Variants in EPHA6 observed in about 807,000 individuals in gnomAD.
EPHA6 encodes ephrin type-A receptor 6.
Under a neutral mutation model 112.0 loss-of-function variants are expected in EPHA6, and 50 were observed. The ratio of observed to expected loss-of-function variants is 0.45; its 90% CI spans 0.36 to 0.56. EPHA6 has a LOEUF of 0.56. EPHA6 is among the 20% of genes least tolerant of loss of function. The pLI is 0.00. For missense variants in EPHA6, 1,280 were observed against 1,417.4 expected (o/e 0.90, Z 1.56); for synonymous variants, 529 against 490.7 (o/e 1.08, Z -1.03).
At chr3:97,241,426 G>A (rs1417800097) in intron 4 of EPHA6, among the ~76,000 whole-genome samples, 1 of 151,714 alleles carries the variant, frequency 6.6e-6, no homozygotes, top group Non-Finnish European at 1.5e-5. Flanking sequence ...TTTCAATACA[G>A]ATGTCTCCAA....
At chr3:97,148,104 C>T (rs538431042) in intron 3 of EPHA6, among the ~76,000 whole-genome samples, 6 of 152,040 alleles carry the variant, frequency 3.9e-5, no homozygotes, top group African/African-American at 1.4e-4. Flanking sequence ...GTTAACACAG[C>T]ATAATATACA....
At chr3:97,598,715 G>A (rs940495800) in intron 12 of EPHA6, among the ~76,000 whole-genome samples, 22 of 151,052 alleles carry the variant, frequency 1.5e-4, no homozygotes, top group East Asian at 9.8e-4. Context: ...GAATAATGCC[G>A]CAATAAACAT....
chr3:97,334,035 A>AT (rs1321336487), intron 5 of EPHA6, among the ~76,000 whole-genome samples: 1 of 151,636 alleles, frequency 6.6e-6, no homozygotes, highest in Non-Finnish European at 1.5e-5. Flanking sequence ...TTTGTCAAAT[A>AT]TTTTTTCTGT....
chr3:97,360,045 T>A (rs1019380007), intron 5 of EPHA6, among the ~76,000 whole-genome samples: 11 of 152,198 alleles, frequency 7.2e-5, no homozygotes, highest in African/African-American at 2.7e-4. Context: ...GGTGTCTTTA[T>A]CTGTACCTCT....
At chr3:96,875,726 T>G (rs1576208066) in intron 2 of EPHA6, among the ~76,000 whole-genome samples, 1 of 152,058 alleles carries the variant, frequency 6.6e-6, no homozygotes, top group East Asian at 1.9e-4. Flanking sequence ...TGTAGATGTA[T>G]AATACACATT....
chr3:97,453,275 T>C (rs147800241), intron 7 of EPHA6, among the ~76,000 whole-genome samples: 322 of 151,730 alleles, frequency 2.1e-3, no homozygotes, highest in Non-Finnish European at 3.3e-3. Flanking sequence ...TGAAAGAAAA[T>C]TGGAATTTTA....
chr3:97,379,094 T>C (rs1186458567), intron 5 of EPHA6, among the ~76,000 whole-genome samples: 1 of 152,040 alleles, frequency 6.6e-6, no homozygotes, highest in Non-Finnish European at 1.5e-5. Context: ...AGGGACCAAG[T>C]GGGAGATAAT....
intron 3 of EPHA6, among the ~76,000 whole-genome samples, chr3:97,024,570 G>A (rs2044570685): frequency 6.6e-6 from 1 of 152,106 alleles, no homozygotes; most frequent in Non-Finnish European, 1.5e-5. Flanking sequence ...TTTATTCTTT[G>A]AGAAGCTAAA....
intron 3 of EPHA6, among the ~76,000 whole-genome samples, chr3:97,191,645 A>G (rs1432603833): frequency 6.6e-6 from 1 of 152,126 alleles, no homozygotes; most frequent in Non-Finnish European, 1.5e-5. Context: ...TGCAAGTGAC[A>G]GAATCTCATT....
intron 14 of EPHA6, among the ~76,000 whole-genome samples, chr3:97,711,544 A>C (rs1426579676): frequency 6.6e-6 from 1 of 152,106 alleles, no homozygotes; most frequent in African/African-American, 2.4e-5. Flanking sequence ...AAAGGCTAAG[A>C]AAAGGGCAGG....
intron 5 of EPHA6, among the ~76,000 whole-genome samples, chr3:97,305,954 A>G (rs1033935426): frequency 6.6e-6 from 1 of 151,972 alleles, no homozygotes; most frequent in Non-Finnish European, 1.5e-5. Context: ...TAAATTGTAC[A>G]TAAGCCAACA....
chr3:97,065,386 A>G (rs749655836), intron 3 of EPHA6, among the ~76,000 whole-genome samples: 10 of 152,152 alleles, frequency 6.6e-5, no homozygotes, highest in Non-Finnish European at 1.3e-4. Context: ...TCTTCAGAAT[A>G]CATGATTTTT....
chr3:97,023,197 A>C (rs901806758), intron 3 of EPHA6, among the ~76,000 whole-genome samples: 2 of 151,808 alleles, frequency 1.3e-5, no homozygotes, highest in African/African-American at 2.4e-5. Flanking sequence ...TCCTGCCTCA[A>C]CCTCCTGGGT....
intron 3 of EPHA6, among the ~76,000 whole-genome samples, chr3:97,190,826 C>A (rs1346654391): frequency 6.6e-6 from 1 of 151,750 alleles, no homozygotes; most frequent in Non-Finnish European, 1.5e-5. Flanking sequence ...ATGTAACTAA[C>A]CTGCACAATG....
chr3:97,033,704 G>C (rs928309105), intron 3 of EPHA6, among the ~76,000 whole-genome samples: 7 of 151,986 alleles, frequency 4.6e-5, no homozygotes, highest in Admixed American at 3.9e-4. Context: ...TTCCAAAAGT[G>C]AGAGACAAAT....
intron 11 of EPHA6, among the ~76,000 whole-genome samples, chr3:97,574,040 T>C (rs553597195): frequency 8.5e-5 from 13 of 152,252 alleles, no homozygotes; most frequent in African/African-American, 3.1e-4. Context: ...TCTATTAACA[T>C]GTATCTGTTA....
intron 5 of EPHA6, among the ~76,000 whole-genome samples, chr3:97,363,232 ATATAT>A (rs1559923049): frequency 9.9e-5 from 7 of 70,532 alleles, no homozygotes; most frequent in African/African-American, 2.6e-4. Flanking sequence ...ATATATATAT[ATATAT>A]AAATCTCAGA....
intron 5 of EPHA6, among the ~76,000 whole-genome samples, chr3:97,352,137 A>T (rs1431667019): frequency 6.6e-6 from 1 of 152,248 alleles, no homozygotes; most frequent in Admixed American, 6.5e-5. Flanking sequence ...TATTTTTTCA[A>T]TTTGAAAAAC....
chr3:96,929,037 G>A (rs1262601693), intron 2 of EPHA6, among the ~76,000 whole-genome samples: 1 of 152,076 alleles, frequency 6.6e-6, no homozygotes, highest in Non-Finnish European at 1.5e-5. Flanking sequence ...GTCTCTTGAA[G>A]ACAACATATC....
Sources: gnomAD v4.1 joint callset for allele counts (sites outside exome capture counted in the v4.1 genomes callset) on GRCh38, gnomAD v4.1.1 for gene constraint, MANE v1.5 for transcripts, NCBI Gene and HGNC (gene_info 2026-07-23, HGNC 2026-07-21) for gene names.